Variants in HTRA3 observed in about 807,000 individuals in gnomAD.
HTRA3 encodes HtrA serine peptidase 3.
Under a neutral mutation model 43.2 loss-of-function variants are expected in HTRA3, and 41 were observed. The ratio of observed to expected loss-of-function variants is 0.95; its 90% CI spans 0.74 to 1.23. The LOEUF (loss-of-function observed/expected upper bound fraction) is 1.23, where lower values mean the gene tolerates loss of function less well. Among genes scored for constraint, HTRA3 ranks in the 50% most tolerant of loss-of-function variants. The probability of loss-of-function intolerance (pLI) is 0.00; values close to 1 mark genes in which losing one functional copy is unlikely to be tolerated. For synonymous variants in HTRA3, 295 were observed against 287.9 expected (o/e 1.02, Z -0.25); for missense variants, 628 against 647.1 (o/e 0.97, Z 0.32).
intron 1 of HTRA3, among the ~76,000 whole-genome samples, chr4:8,272,725 T>G (rs918482467): frequency 1.3e-4 from 20 of 152,096 alleles, no homozygotes; most frequent in African/African-American, 4.8e-4. Context: ...TGGGGAAGGA[T>G]GGGGAGGACA....
At position 8,286,118 on chromosome 4, in the gene HTRA3, G is replaced by A. The variant is rs148081605; in HGVS notation, c.486-443G>A. Among the ~76,000 whole-genome samples the A allele has an allele frequency of 5.2e-4, 79 of 152,308 alleles. No homozygotes were observed. Among genetic ancestry groups the A allele is most frequent in the Non-Finnish European group, 9.1e-4 (62 of 68,034 alleles). On this transcript the variant is annotated intron_variant, in intron 2 of 8. Transcript: ENST00000307358. The surrounding 1 kb of genome is among the most constrained non-coding windows in gnomAD (Gnocchi z 4.9). ...TAGAGCCCAGGCATCACCACTCGGCGGAGGAGGTGTTGTTGTCCCATTTCC... is the reference window on the plus strand; with the variant it reads ...TAGAGCCCAGGCATCACCACTCGGCAGAGGAGGTGTTGTTGTCCCATTTCC...
chr4:8,278,390 GAAAA>G (rs137976560), intron 1 of HTRA3, among the ~76,000 whole-genome samples: 1 of 125,874 alleles, frequency 7.9e-6, no homozygotes, highest in African/African-American at 3.1e-5. Flanking sequence ...GTTTATTGAG[GAAAA>G]AAAAAAAAAA....
intron 8 of HTRA3, 93 bp from the exon 9 acceptor site, chr4:8,305,878 C>A: frequency 7.2e-7 from 1 of 1,390,436 alleles, no homozygotes; most frequent in Non-Finnish European, 1.0e-6. Flanking sequence ...GAAATGTTGT[C>A]ATTGACCCTG....
chr4:8,273,015 A>G (rs1051319713), intron 1 of HTRA3, among the ~76,000 whole-genome samples: 2 of 152,182 alleles, frequency 1.3e-5, no homozygotes, highest in Admixed American at 6.5e-5. Flanking sequence ...GCCTCTCCCC[A>G]GCCCTGTCTC....
Position 8,296,331 on chromosome 4 carries a change from C to G in HTRA3, c.1051+2130C>G. On this transcript the variant is annotated intron_variant, in intron 6 of 8. Transcript: ENST00000307358. This position sits in a 1 kb window ranked among gnomAD's most constrained non-coding sequence, Gnocchi z 5.3. Reference sequence around the variant, plus strand: ...TATCCCCTGTCCTCAGAGCTGTGTCCCCTCCCCAAGGACAGTGCAGACTAA... The same window carrying G: ...TATCCCCTGTCCTCAGAGCTGTGTCGCCTCCCCAAGGACAGTGCAGACTAA... The G allele has an allele frequency of 1.0e-6, 1 of 985,410 alleles. No individual in the cohort carries two copies. Among genetic ancestry groups the G allele is most frequent in the Non-Finnish European group, 1.2e-6 (1 of 829,950 alleles). The allele number at this position is 985,410 out of a possible 1,614,324, so 61.0% of individuals were successfully genotyped here. A position where few individuals can be genotyped will look rare whatever the true frequency, so the allele number is the denominator to read the frequency against.
intron 3 of HTRA3, among the ~76,000 whole-genome samples, chr4:8,289,266 A>G (rs1250560647): frequency 1.3e-5 from 2 of 152,174 alleles, no homozygotes; most frequent in Non-Finnish European, 2.9e-5. Flanking sequence ...TTTTCCATGA[A>G]GCCAAATGGT....
At chr4:8,285,135 G>A (rs533247184) in intron 2 of HTRA3, among the ~76,000 whole-genome samples, 1 of 152,194 alleles carries the variant, frequency 6.6e-6, no homozygotes, top group South Asian at 2.1e-4. Context: ...TGTGAGACTG[G>A]ACTTCCCTCC....
At chr4:8,275,845 T>A (rs1277185188) in intron 1 of HTRA3, among the ~76,000 whole-genome samples, 2 of 152,150 alleles carry the variant, frequency 1.3e-5, no homozygotes, top group Non-Finnish European at 2.9e-5. Flanking sequence ...GTCACTCAGG[T>A]AGGGATGGAT....
At chr4:8,303,995 G>A (rs1713749600) in intron 7 of HTRA3, among the ~76,000 whole-genome samples, 189 bp from the exon 8 acceptor site, 1 of 152,038 alleles carries the variant, frequency 6.6e-6, no homozygotes, top group South Asian at 2.1e-4. Flanking sequence ...ACCAGCTATT[G>A]CTACCACGTT....
chr4:8,300,598 TTGA>T (rs1441694805), intron 6 of HTRA3, among the ~76,000 whole-genome samples: 4 of 152,246 alleles, frequency 2.6e-5, no homozygotes, highest in African/African-American at 7.2e-5. Flanking sequence ...ATTTGTGATG[TTGA>T]TAACTGTGTC....
In HTRA3 at chr4:8,296,450, A is replaced by G; in HGVS notation, c.1051+2249A>G. On this transcript the variant is annotated intron_variant, in intron 6 of 8. Coordinates refer to ENST00000307358, the MANE Select transcript of HTRA3 (RefSeq NM_053044.5). The surrounding 1 kb of genome is among the most constrained non-coding windows in gnomAD (Gnocchi z 5.3). ...GTGTTTGTACTTGCTTCTCTTTTTT[A>G]TTTAATAAAATCCAATGATCCAAAC... is the stretch of plus-strand genomic sequence containing the variant. 1 of 985,242 alleles carries G rather than the reference A, an allele frequency of 1.0e-6. No individual in the cohort carries two copies. Among genetic ancestry groups the G allele is most frequent in the South Asian group, 4.7e-5 (1 of 21,284 alleles). 61.0% of individuals were successfully genotyped at this position (985,242 alleles called of 1,614,324 possible). A position where few individuals can be genotyped will look rare whatever the true frequency, so the allele number is the denominator to read the frequency against.
intron 2 of HTRA3, among the ~76,000 whole-genome samples, chr4:8,284,682 C>A (rs1045232563): frequency 1.3e-5 from 2 of 152,182 alleles, no homozygotes; most frequent in African/African-American, 4.8e-5. Context: ...AAGCTGGCTG[C>A]GGATGTGAGT....
intron 2 of HTRA3, 121 bp downstream of exon 2, chr4:8,282,657 G>A (rs1712801498): frequency 3.9e-6 from 3 of 765,024 alleles, no homozygotes; most frequent in East Asian, 2.7e-5. Context: ...AGTGGCCTGG[G>A]GTCAGGCTGA....
At position 8,306,239 on chromosome 4, in the gene HTRA3, G is replaced by A. The variant is rs572014120; in HGVS notation, c.*103G>A. The A allele has an allele frequency of 1.4e-4, 176 of 1,257,856 alleles. No homozygotes were observed. In the African/African-American group the frequency reaches 2.2e-3, roughly 16 times the overall value. 77.9% of individuals were successfully genotyped at this position (1,257,856 alleles called of 1,614,324 possible). ...GACCACCGTCGGTCCTCAGCAGGGC[G>A]GCAGCCTCCTCCTGGCTGTCCGGGG... is the stretch of plus-strand genomic sequence containing the variant. On this transcript the variant is annotated 3_prime_UTR_variant, in exon 9 of 9. Coordinates refer to ENST00000307358, the MANE Select transcript of HTRA3 (RefSeq NM_053044.5). The surrounding 1 kb of genome is among the most constrained non-coding windows in gnomAD (Gnocchi z 8.9).
rs1470321806 is a variant in HTRA3 at position 8,288,906 on chromosome 4, C to CTTCCTTCCTTCT, written c.708+2134_708+2135insTTTCCTTCCTTC. 3.6e-4 allele frequency among the ~76,000 whole-genome samples: 53 copies of CTTCCTTCCTTCT among 145,548 alleles called. 1 individual carries two copies. Among genetic ancestry groups the CTTCCTTCCTTCT allele is most frequent in the African/African-American group, 1.3e-3 (51 of 38,732 alleles). ...CCTTCCTTCCTTCCGTCCGTCCTTC[C>CTTCCTTCCTTCT]TTCCTTCCTTCCTTCCTTCCTTCCT... On this transcript the variant is annotated intron_variant, in intron 3 of 8. Coordinates refer to ENST00000307358, the MANE Select transcript of HTRA3 (RefSeq NM_053044.5).
In HTRA3 at chr4:8,304,240, T is replaced by C. The variant is rs1320126365; in HGVS notation, c.1157T>C (p.Ile386Thr). The change falls in exon 8 of 9, where the codon ATT (isoleucine) becomes ACT (threonine). Residue 386 changes from isoleucine to threonine, a missense_variant. Coordinates refer to ENST00000307358, the MANE Select transcript of HTRA3 (RefSeq NM_053044.5). ...NPDFPEVSSG[I>T]YVQEVAPNSP... Reference sequence around the variant, plus strand: ...GACTTCCCAGAGGTCAGCAGTGGAATTTATGTGCAAGAGGTTGCGCCGAAT... The same window carrying C: ...GACTTCCCAGAGGTCAGCAGTGGAACTTATGTGCAAGAGGTTGCGCCGAAT... The C allele has an allele frequency of 3.7e-6, 6 of 1,613,986 alleles. No individual in the cohort carries two copies. The African/African-American group carries it at 8.0e-5, about 22-fold the overall frequency.
intron 1 of HTRA3, among the ~76,000 whole-genome samples, chr4:8,270,854 A>G (rs1712240752): frequency 6.6e-6 from 1 of 152,102 alleles, no homozygotes; most frequent in African/African-American, 2.4e-5. Flanking sequence ...CCCCAGGGAG[A>G]GGCTGCTTGG....
chr4:8,269,846 T>A lies in HTRA3; in HGVS notation c.-123T>A. ...CGCCAGCCTGAGCCACCGGCGCATG[T>A]GACCGCGCGTCCGCCCCAGTCCCAT... On this transcript the variant is annotated 5_prime_UTR_variant, in exon 1 of 9. An upstream open reading frame in the 5' UTR loses its in-frame stop. Coordinates refer to ENST00000307358, the MANE Select transcript of HTRA3 (RefSeq NM_053044.5). 1 of 312,920 alleles carries A rather than the reference T, an allele frequency of 3.2e-6. No homozygotes were observed. The highest frequency in any genetic ancestry group is 4.7e-6 in the Non-Finnish European group (1 of 213,590). 19.4% of individuals were successfully genotyped at this position (312,920 alleles called of 1,614,324 possible).
At chr4:8,276,108 G>A (rs112106406) in intron 1 of HTRA3, among the ~76,000 whole-genome samples, 6,521 of 152,322 alleles carry the variant, frequency 0.043, 482 homozygotes, top group African/African-American at 0.15. Context: ...CTGGAATTGT[G>A]CAATGTACAG....
Sources: gnomAD v4.1 joint callset for allele counts (sites outside exome capture counted in the v4.1 genomes callset) on GRCh38, gnomAD v4.1.1 for gene constraint, Gnocchi (gnomAD v3.1) non-coding constraint, MANE v1.5 for transcripts, NCBI Gene and HGNC (gene_info 2026-07-23, HGNC 2026-07-21) for gene names.